Variants in PCDHA2 observed in about 807,000 individuals in gnomAD.
PCDHA2 encodes the protein protocadherin alpha-2.
Under a neutral mutation model 66.0 loss-of-function variants are expected in PCDHA2, and 58 were observed. The ratio of observed to expected loss-of-function variants is 0.88; its 90% confidence interval spans 0.71 to 1.09. The LOEUF (loss-of-function observed/expected upper bound fraction) is 1.09, where lower values mean the gene tolerates loss of function less well. PCDHA2 is among the 50% of genes least tolerant of loss of function. The probability of loss-of-function intolerance (pLI) is 0.00; values close to 1 mark genes in which losing one functional copy is unlikely to be tolerated. For missense variants in PCDHA2, 1,267 were observed against 1,242.3 expected (o/e 1.02, Z -0.30); for synonymous variants, 634 against 554.0 (o/e 1.14, Z -2.03).
intron 1 of PCDHA2, chr5:140,877,053 G>A: frequency 1.9e-6 from 3 of 1,612,784 alleles, no homozygotes; most frequent in African/African-American, 1.3e-5. Context: ...ACCACGAGGA[G>A]CTGGAGCTGC....
At chr5:140,834,375 T>G in intron 1 of PCDHA2, 2 of 1,560,406 alleles carry the variant, frequency 1.3e-6, no homozygotes, top group South Asian at 2.4e-5. Context: ...AACAAGCCAA[T>G]AATTTGAAAT....
chr5:140,863,553 A>C, intron 1 of PCDHA2: 2 of 378,210 alleles, frequency 5.3e-6, no homozygotes, highest in South Asian at 4.1e-5. Context: ...TTCAATAGGA[A>C]ATTTTTGAGA....
intron 1 of PCDHA2, chr5:140,884,609 G>T: frequency 6.2e-7 from 1 of 1,614,138 alleles, no homozygotes; most frequent in Non-Finnish European, 8.5e-7. Context: ...TCCTTGTCTG[G>T]GTTCTGCAGA....
rs1762109271 is a variant in PCDHA2 at position 140,796,608 on chromosome 5, C to G, written c.1644C>G (p.Asn548Lys). The G allele has an allele frequency of 6.2e-7, 1 of 1,613,584 alleles. No individual in the cohort carries two copies. Among genetic ancestry groups the G allele is most frequent in the Non-Finnish European group, 8.5e-7 (1 of 1,179,892 alleles). The change falls in exon 1 of 4, where the codon AAC (asparagine) becomes AAG (lysine). Residue 548 changes from asparagine (N) to lysine (K), a missense_variant. Physicochemically the swap from Asn to Lys is moderately conservative, Grantham distance 94. Coordinates refer to ENST00000526136, the MANE Select transcript of PCDHA2 (RefSeq NM_018905.3). Reference sequence around the variant, plus strand: ...CGGGCGTGCCGCCTCTGGGCAGCAACGTGACGCTGCAGGTGTTCGTGCTGG... The same window carrying G: ...CGGGCGTGCCGCCTCTGGGCAGCAAGGTGACGCTGCAGGTGTTCGTGCTGG... Reference protein sequence around the residue: ...RDAGVPPLGSNVTLQVFVLDE... With the variant: ...RDAGVPPLGSKVTLQVFVLDE...
chr5:140,928,557 C>G lies in PCDHA2; in HGVS notation c.2389-50392C>G, dbSNP rs556688707. 7 of 1,614,238 alleles carry G rather than the reference C, an allele frequency of 4.3e-6. 1 individual carries two copies. The East Asian group carries it at 1.6e-4, about 36-fold the overall frequency. On this transcript the variant is annotated intron_variant, in intron 1 of 3. Coordinates refer to ENST00000526136, the MANE Select transcript of PCDHA2 (RefSeq NM_018905.3). ...ATAGGAATGACAATTATCCGGTTAT[C>G]TTGTTTCCCTTGCCCAGAAATGGTT...
intron 1 of PCDHA2, among the ~76,000 whole-genome samples, chr5:140,904,088 TA>T (rs1486110849): frequency 9.8e-5 from 15 of 152,340 alleles, no homozygotes; most frequent in Admixed American, 2.6e-4. Flanking sequence ...GTTACATGAA[TA>T]ACTACTTTAG....
intron 1 of PCDHA2, chr5:140,849,713 G>T (rs2150446260): frequency 1.9e-6 from 3 of 1,598,578 alleles, no homozygotes; most frequent in Non-Finnish European, 2.6e-6. Context: ...ATTACTACTC[G>T]TTGGTGCTGG....
chr5:140,892,384 A>T (rs1313796499), intron 1 of PCDHA2, among the ~76,000 whole-genome samples: 1 of 152,162 alleles, frequency 6.6e-6, no homozygotes, highest in Non-Finnish European at 1.5e-5. Flanking sequence ...AATCATGGGT[A>T]ATCTTAATCT....
Position 140,856,334 on chromosome 5 carries a change from G to C in PCDHA2, c.2388+58982G>C, listed in dbSNP as rs1262477114. 11 of 1,598,498 alleles carry C rather than the reference G, an allele frequency of 6.9e-6. 1 individual carries two copies. The Admixed American group carries it at 1.3e-4, about 20-fold the overall frequency. On this transcript the variant is annotated intron_variant, in intron 1 of 3. Coordinates refer to ENST00000526136, the MANE Select transcript of PCDHA2 (RefSeq NM_018905.3). ...TCGGATTGACCGCGAGGAGCTGTGC[G>C]GGCGGAGCGTGGAGTGCAGCATCCA...
At chr5:141,003,936 C>T (rs934368361) in intron 3 of PCDHA2, among the ~76,000 whole-genome samples, 41 of 152,122 alleles carry the variant, frequency 2.7e-4, no homozygotes, top group African/African-American at 9.9e-4. Context: ...TTGTCTTTGC[C>T]TGAGGGTGAG....
In PCDHA2 at chr5:140,795,491, A is replaced by T. The variant is rs1554119455; in HGVS notation, c.527A>T (p.Glu176Val). 4 of 1,613,986 alleles carry T rather than the reference A, an allele frequency of 2.5e-6. No individual in the cohort carries two copies. Among genetic ancestry groups the T allele is most frequent in the Non-Finnish European group, 3.4e-6 (4 of 1,180,022 alleles). The change falls in exon 1 of 4, where the codon GAG becomes GTG. Residue 176 changes from glutamate (E) to valine (V), a missense_variant. Coordinates refer to ENST00000526136, the MANE Select transcript of PCDHA2 (RefSeq NM_018905.3). ...ALLSYKLSSS[E>V]FFFLDIQAND... ...CTCTCCTACAAGCTCAGCTCCAGTG[A>T]GTTTTTCTTCCTAGATATACAGGCA... is the stretch of plus-strand genomic sequence containing the variant.
At chr5:140,872,580 T>C (rs1554166256) in intron 1 of PCDHA2, among the ~76,000 whole-genome samples, 1 of 152,172 alleles carries the variant, frequency 6.6e-6, no homozygotes, top group Middle Eastern at 3.2e-3. Flanking sequence ...TGACCTATCA[T>C]CGTGAGACCC....
chr5:140,941,207 C>CTTCCTTTCTTTCTT (rs1563185091), intron 1 of PCDHA2, among the ~76,000 whole-genome samples: 2 of 103,272 alleles, frequency 1.9e-5, no homozygotes, highest in African/African-American at 1.2e-4. Flanking sequence ...TTCTTCCTTT[C>CTTCCTTTCTTTCTT]TTTCTTCCTT....
chr5:140,934,331 A>C (rs1313968911), intron 1 of PCDHA2, among the ~76,000 whole-genome samples: 1 of 152,116 alleles, frequency 6.6e-6, no homozygotes, highest in East Asian at 1.9e-4. Flanking sequence ...CATGAATGTA[A>C]TAACCACCAG....
intron 1 of PCDHA2, chr5:140,836,287 G>C: frequency 6.2e-7 from 1 of 1,613,786 alleles, no homozygotes; most frequent in Non-Finnish European, 8.5e-7. Context: ...AGCACGACAC[G>C]AGCCCTAGAT....
At chr5:140,979,052 G>T (rs2096833352) in intron 2 of PCDHA2, 45 bp downstream of exon 2, 1 of 1,609,668 alleles carries the variant, frequency 6.2e-7, no homozygotes, top group Non-Finnish European at 8.5e-7. Context: ...CCTTAACTTG[G>T]TATGGCTCAG....
At chr5:140,869,313 A>G in intron 1 of PCDHA2, 1 of 1,613,732 alleles carries the variant, frequency 6.2e-7, no homozygotes, top group Non-Finnish European at 8.5e-7. Context: ...CGTCCAAAAC[A>G]CATGGGGACC....
At chr5:140,995,592 A>G (rs2097690478) in intron 3 of PCDHA2, among the ~76,000 whole-genome samples, 1 of 152,212 alleles carries the variant, frequency 6.6e-6, no homozygotes, top group East Asian at 1.9e-4. Context: ...CTTTTAACTT[A>G]GTGTTTTTCT....
chr5:140,996,803 G>A (rs2097746425), intron 3 of PCDHA2, among the ~76,000 whole-genome samples: 1 of 152,224 alleles, frequency 6.6e-6, no homozygotes, highest in African/African-American at 2.4e-5. Flanking sequence ...ATCCAATCAT[G>A]CTTTCCAAAA....
Sources: allele counts gnomAD v4.1 joint callset (sites outside exome capture counted in the v4.1 genomes callset), GRCh38; gene constraint gnomAD v4.1.1; transcripts MANE v1.5; gene names NCBI Gene and HGNC (gene_info 2026-07-23, HGNC 2026-07-21).